Variants in CTDSPL observed in about 807,000 individuals in gnomAD.
CTDSPL encodes the protein CTD small phosphatase-like protein.
A neutral mutation model predicts 30.5 loss-of-function variants in CTDSPL; 8 were observed. The observed-to-expected ratio is 0.26, with a 90% CI of 0.15 to 0.47. CTDSPL has a LOEUF of 0.47. CTDSPL is among the 20% of genes least tolerant of loss of function. The pLI is 0.99. For synonymous variants in CTDSPL, 110 were observed against 137.9 expected, an observed-to-expected ratio of 0.80 and a Z score of 1.42; for missense variants, 248 against 366.1, an observed-to-expected ratio of 0.68 and a Z score of 2.63.
intron 1 of CTDSPL, among the ~76,000 whole-genome samples, chr3:37,936,449 G>A (rs917932562): frequency 6.6e-6 from 1 of 152,012 alleles, no homozygotes; most frequent in African/African-American, 2.4e-5. Flanking sequence ...TTCAAACAGA[G>A]GACAGTTGTG....
chr3:37,934,966 G>C (rs1187535649), intron 1 of CTDSPL, among the ~76,000 whole-genome samples: 1 of 152,132 alleles, frequency 6.6e-6, no homozygotes, highest in East Asian at 1.9e-4. Context: ...TCCAGAGCTT[G>C]TACAGACATT....
intron 1 of CTDSPL, among the ~76,000 whole-genome samples, chr3:37,932,426 T>C (rs768404456): frequency 6.6e-6 from 1 of 152,048 alleles, no homozygotes; most frequent in Non-Finnish European, 1.5e-5. Context: ...AGTTCCAACA[T>C]ACAGAACAGT....
chr3:37,862,358 A>T lies in CTDSPL; in HGVS notation c.79+80A>T. 1 of 1,267,014 alleles carries T rather than the reference A, an allele frequency of 7.9e-7. No individual in the cohort carries two copies. The highest frequency in any genetic ancestry group is 1.0e-6 in the Non-Finnish European group (1 of 978,642). 78.5% of individuals were successfully genotyped at this position (1,267,014 alleles called of 1,614,324 possible). ...CTGGAGTTCACTGCCGGGCGCCGGC[A>T]TGGGCCTGGGGGAGGGGTGCACAGG... On this transcript the variant is annotated intron_variant, in intron 1 of 7. Transcript: ENST00000273179. The surrounding 1 kb of genome is among the most constrained non-coding windows in gnomAD (Gnocchi z 4.3).
intron 1 of CTDSPL, among the ~76,000 whole-genome samples, chr3:37,926,094 GC>G (rs2125612751): frequency 6.6e-6 from 1 of 152,302 alleles, no homozygotes; most frequent in Non-Finnish European, 1.5e-5. Flanking sequence ...TTAGGGGCTG[GC>G]ATTCCTGCTA....
At chr3:37,924,146 T>C (rs1048648367) in intron 1 of CTDSPL, among the ~76,000 whole-genome samples, 29 of 152,260 alleles carry the variant, frequency 1.9e-4, no homozygotes, top group Admixed American at 8.5e-4. Context: ...CCTAAAACTC[T>C]TGAGATAAGA....
At chr3:37,950,253 C>A (rs774577819) in intron 2 of CTDSPL, among the ~76,000 whole-genome samples, 1 of 152,172 alleles carries the variant, frequency 6.6e-6, no homozygotes, top group Non-Finnish European at 1.5e-5. Context: ...CAGAGAGCCT[C>A]ATAGACTGAC....
intron 7 of CTDSPL, among the ~76,000 whole-genome samples, chr3:37,976,973 T>G (rs966412564): frequency 6.6e-6 from 1 of 152,100 alleles, no homozygotes; most frequent in Admixed American, 6.5e-5. Context: ...CTTCTCAGAT[T>G]CTACAAAAGC....
chr3:37,976,784 C>G (rs1036824040), intron 7 of CTDSPL, among the ~76,000 whole-genome samples: 3 of 152,152 alleles, frequency 2.0e-5, no homozygotes, highest in Admixed American at 6.5e-5. Flanking sequence ...TGCCTACTCA[C>G]TGGGTGCAGC....
rs141950527 is a variant in CTDSPL, at chr3:37,913,757, C to T, written c.80-33300C>T. Reference sequence around the variant, plus strand: ...GGATATTGCTCCAGGAACCTACCAGCGTTGGTTTCCGTCTGGTGAACATAT... The same window carrying T: ...GGATATTGCTCCAGGAACCTACCAGTGTTGGTTTCCGTCTGGTGAACATAT... On this transcript the variant is annotated intron_variant, in intron 1 of 7. Transcript: ENST00000273179. Among the ~76,000 whole-genome samples the T allele has an allele frequency of 8.1e-4, 124 of 152,316 alleles. 2 individuals carry two copies. The East Asian group carries it at 0.018, about 22-fold the overall frequency.
At chr3:37,951,322 C>G (rs992498578) in intron 2 of CTDSPL, among the ~76,000 whole-genome samples, 1 of 151,568 alleles carries the variant, frequency 6.6e-6, no homozygotes, top group African/African-American at 2.4e-5. Flanking sequence ...GAGCCGAGAT[C>G]GCCACACTGC....
chr3:37,948,143 G>A (rs1699062388), intron 2 of CTDSPL, among the ~76,000 whole-genome samples: 1 of 152,116 alleles, frequency 6.6e-6, no homozygotes, highest in Non-Finnish European at 1.5e-5. Flanking sequence ...AATTAGCCAG[G>A]CATGGTGGTG....
At position 37,939,973 on chromosome 3, in the gene CTDSPL, T is replaced by A. The variant is rs1422713290; in HGVS notation, c.80-7084T>A. 1.3e-5 allele frequency among the ~76,000 whole-genome samples: 2 copies of A among 149,990 alleles called. 1 individual carries two copies. Among genetic ancestry groups the A allele is most frequent in the Non-Finnish European group, 3.0e-5 (2 of 66,972 alleles). Reference sequence around the variant, plus strand: ...CGGGCTTGGTGGCAGGCGCCTGTAGTCCCAGCTACTCAGGAGGGTGAGGCA... The same window carrying A: ...CGGGCTTGGTGGCAGGCGCCTGTAGACCCAGCTACTCAGGAGGGTGAGGCA... On this transcript the variant is annotated intron_variant, in intron 1 of 7. Coordinates refer to ENST00000273179, the MANE Select transcript of CTDSPL (RefSeq NM_001008392.2).
chr3:37,909,725 CTG>C (rs1271314822), intron 1 of CTDSPL, among the ~76,000 whole-genome samples: 1 of 152,236 alleles, frequency 6.6e-6, no homozygotes, highest in African/African-American at 2.4e-5. Flanking sequence ...ACCATGGACT[CTG>C]TGATCACGAG....
intron 1 of CTDSPL, among the ~76,000 whole-genome samples, chr3:37,899,510 G>A (rs559580425): frequency 1.3e-5 from 2 of 152,282 alleles, no homozygotes; most frequent in Middle Eastern, 3.4e-3. Context: ...CAAAAAACAG[G>A]AGCCAATCAG....
At position 37,943,805 on chromosome 3, in the gene CTDSPL, G is replaced by A. The variant is rs553525572; in HGVS notation, c.80-3252G>A. ...ACAAGACCCCTTTTGTGTGTACAAGGAGGATGAGCGGTGGAGCTGGATGCC... is the reference window on the plus strand; with the variant it reads ...ACAAGACCCCTTTTGTGTGTACAAGAAGGATGAGCGGTGGAGCTGGATGCC... On this transcript the variant is annotated intron_variant, in intron 1 of 7. Coordinates refer to ENST00000273179, the MANE Select transcript of CTDSPL (RefSeq NM_001008392.2). 2.7e-4 allele frequency among the ~76,000 whole-genome samples: 41 copies of A among 150,514 alleles called. 3 individuals carry two copies. The South Asian group carries it at 8.6e-3, about 32-fold the overall frequency.
Position 37,872,820 on chromosome 3 carries a change from G to A in CTDSPL, c.79+10542G>A, listed in dbSNP as rs137938962. 5.8e-3 allele frequency among the ~76,000 whole-genome samples: 884 copies of A among 152,060 alleles called. 3 individuals are homozygous for A. Among genetic ancestry groups the A allele is most frequent in the Middle Eastern group, 0.027 (8 of 294 alleles). On this transcript the variant is annotated intron_variant, in intron 1 of 7. Transcript: ENST00000273179. ...GATCTCTTGACCTCCTGATCTGCCC[G>A]CCCTGGCCTCCCAAAGTGCTGGGAT...
In CTDSPL at chr3:37,981,467, C is replaced by G. The variant is rs1439274142; in HGVS notation, c.*600C>G. 4.8e-6 allele frequency: 1 copy of G among 206,748 alleles called. No individual in the cohort carries two copies. Among genetic ancestry groups the G allele is most frequent in the African/African-American group, 2.4e-5 (1 of 42,172 alleles). 12.8% of individuals were successfully genotyped at this position (206,748 alleles called of 1,614,324 possible). A position where few individuals can be genotyped will look rare whatever the true frequency, so the allele number is the denominator to read the frequency against. On this transcript the variant is annotated 3_prime_UTR_variant, in exon 8 of 8. Transcript: ENST00000273179. ...GGAGCCTGTCCCCCAACAGGTGTGA[C>G]TGCTCTGACAACCTGTGGCATGCTG... is the stretch of plus-strand genomic sequence containing the variant.
At chr3:37,976,150 T>A (rs1282810925) in intron 7 of CTDSPL, among the ~76,000 whole-genome samples, 1 of 152,166 alleles carries the variant, frequency 6.6e-6, no homozygotes, top group Admixed American at 6.5e-5. Context: ...TGTGGCAATA[T>A]ATAAAAAGCA....
chr3:37,928,489 C>T (rs1232156868), intron 1 of CTDSPL, among the ~76,000 whole-genome samples: 3 of 152,264 alleles, frequency 2.0e-5, no homozygotes, highest in South Asian at 2.1e-4. Context: ...TCAGTGATGT[C>T]GTGCACCTTC....
Sources: allele counts gnomAD v4.1 joint callset (sites outside exome capture counted in the v4.1 genomes callset), GRCh38; gene constraint gnomAD v4.1.1; non-coding constraint Gnocchi (gnomAD v3.1); transcripts MANE v1.5; gene names NCBI Gene and HGNC (gene_info 2026-07-23, HGNC 2026-07-21).